The following NME2 variants were observed in gnomAD, a reference collection of about 807,000 sequenced individuals.
The protein encoded by NME2 is nucleoside diphosphate kinase B.
In NME2, 18 loss-of-function variants were observed where a neutral mutation model predicts 17.8. The ratio of observed to expected loss-of-function variants is 1.01; its 90% confidence interval spans 0.70 to 1.50. NME2 has a LOEUF of 1.50. Ranked by LOEUF, NME2 falls within the 40% of genes most tolerant of loss-of-function variation. The pLI, the probability that NME2 is intolerant of heterozygous loss-of-function variation, is 0.00. For synonymous variants in NME2, 74 were observed against 71.4 expected, an observed-to-expected ratio of 1.04 and a Z score of -0.19; for missense variants, 161 against 195.6, an observed-to-expected ratio of 0.82 and a Z score of 1.05.
chr17:51,166,732 G>C, intron 1 of NME2, 95 bp from the exon 2 acceptor site: 12 of 1,296,382 alleles, frequency 9.3e-6, no homozygotes, highest in Non-Finnish European at 1.1e-5. Context: ...GCGGCCGCGC[G>C]TGGTGGGGGA....
At chr17:51,168,904 A>G (rs1029857987) in intron 3 of NME2, among the ~76,000 whole-genome samples, 1 of 151,840 alleles carries the variant, frequency 6.6e-6, no homozygotes, top group Non-Finnish European at 1.5e-5. Flanking sequence ...CGGAGGTTGC[A>G]GTGAGCCGAG....
chr17:51,166,897 G>C lies in NME2; in HGVS notation c.67G>C (p.Glu23Gln), dbSNP rs965172090. 6.2e-6 allele frequency: 10 copies of C among 1,613,730 alleles called. No individual in the cohort carries two copies. The African/African-American group carries it at 1.1e-4, about 17-fold the overall frequency. The change falls in exon 2 of 5, where the codon GAG (glutamate) becomes CAG (glutamine). Residue 23 changes from glutamate to glutamine, a missense_variant. By Grantham distance (29) the Glu-to-Gln change is conservative. Coordinates refer to ENST00000512737, the MANE Select transcript of NME2 (RefSeq NM_002512.4). ...PDGVQRGLVG[E>Q]IIKRFEQKGF... The stretch of plus-strand genomic sequence containing the variant: ...CGGCGTGCAGCGCGGCCTGGTGGGC[G>C]AGATCATCAAGCGCTTCGAGCAGAA...
At chr17:51,167,083 C>T (rs1307144990) in intron 2 of NME2, 127 bp downstream of exon 2, 4 of 1,561,574 alleles carry the variant, frequency 2.6e-6, no homozygotes, top group Non-Finnish European at 2.6e-6. Flanking sequence ...TTGCCCTCTG[C>T]CCCCGCCCAC....
chr17:51,168,894 CG>C (rs1258765850), intron 3 of NME2, among the ~76,000 whole-genome samples: 1 of 151,098 alleles, frequency 6.6e-6, no homozygotes, highest in Non-Finnish European at 1.5e-5. Flanking sequence ...ACTTGGGAGG[CG>C]GAGGTTGCAG....
intron 3 of NME2, among the ~76,000 whole-genome samples, chr17:51,168,607 G>A (rs2049998300): frequency 6.6e-6 from 1 of 152,128 alleles, no homozygotes; most frequent in Non-Finnish European, 1.5e-5. Context: ...GGAGGCGGAG[G>A]TTGCAGTGAG....
Position 51,171,470 on chromosome 17 carries a change from A to G in NME2, c.342-17A>G. 1.2e-6 allele frequency: 2 copies of G among 1,609,802 alleles called. No individual in the cohort carries two copies. Among genetic ancestry groups the G allele is most frequent in the Non-Finnish European group, 1.7e-6 (2 of 1,176,560 alleles). ...GCACTTTAAAACATGGCAACTTGTA[A>G]TTGTTTTCTTTCTTAGGAACATCAT... is the stretch of plus-strand genomic sequence containing the variant. On this transcript the variant is annotated splice_polypyrimidine_tract_variant and intron_variant, in intron 4 of 4. Coordinates refer to ENST00000512737, the MANE Select transcript of NME2 (RefSeq NM_002512.4).
chr17:51,168,485 G>T, intron 3 of NME2, 142 bp downstream of exon 3: 3 of 797,522 alleles, frequency 3.8e-6, no homozygotes, highest in Non-Finnish European at 5.9e-6. Flanking sequence ...GAGCTTGGGA[G>T]GAGAAAGCAA....
Position 51,171,742 on chromosome 17 carries a change from G to A in NME2, c.*138G>A, listed in dbSNP as rs984976529. ...TTTGCCAATAAAGCTTTTGGAAGCC[G>A]GACACTGTCTCCTTGTGCTTATTTG... is the stretch of plus-strand genomic sequence containing the variant. On this transcript the variant is annotated 3_prime_UTR_variant, in exon 5 of 5. Coordinates refer to ENST00000512737, the MANE Select transcript of NME2 (RefSeq NM_002512.4). 25 of 626,496 alleles carry A rather than the reference G, an allele frequency of 4.0e-5. No homozygotes were observed. Among genetic ancestry groups the A allele is most frequent in the Middle Eastern group, 3.3e-4 (1 of 3,030 alleles). The allele number at this position is 626,496 out of a possible 1,614,324, so 38.8% of individuals were successfully genotyped here.
rs931518299 is a variant in NME2, at chr17:51,169,979, C to T, written c.271C>T (p.Leu91Phe). The change falls in exon 4 of 5, where the codon CTT becomes TTT. Residue 91 changes from leucine to phenylalanine, a missense_variant. Leu to Phe is a conservative substitution (Grantham distance 22). Coordinates refer to ENST00000512737, the MANE Select transcript of NME2 (RefSeq NM_002512.4). ...CGTGGTGAAGACAGGCCGAGTGATG[C>T]TTGGGGAGACCAATCCAGCAGATTC... ...LNVVKTGRVM[L>F]GETNPADSKP... The T allele has an allele frequency of 2.5e-5, 40 of 1,613,416 alleles. No homozygotes were observed. Among genetic ancestry groups the T allele is most frequent in the Non-Finnish European group, 3.3e-5 (39 of 1,179,796 alleles).
At chr17:51,169,736 A>G (rs1400033429) in intron 3 of NME2, 2 of 512,764 alleles carry the variant, frequency 3.9e-6, no homozygotes, top group Non-Finnish European at 6.8e-6. Flanking sequence ...GAAGTCCCCA[A>G]GTTGGACAGA....
chr17:51,167,190 G>T, intron 2 of NME2: 1 of 937,146 alleles, frequency 1.1e-6, no homozygotes, highest in Admixed American at 3.6e-5. Flanking sequence ...CCGGGTTTGG[G>T]TTCCTTCCCG....
chr17:51,168,362 T>A lies in NME2; in HGVS notation c.228+19T>A. 6.2e-7 allele frequency: 1 copy of A among 1,611,012 alleles called. No homozygotes were observed. The highest frequency in any genetic ancestry group is 8.5e-7 in the Non-Finnish European group (1 of 1,178,240). On this transcript the variant is annotated intron_variant, in intron 3 of 4. Transcript: ENST00000512737. ...GGCCATGGTGAGTGCTCGTGGGGAA[T>A]GAGAGAAAATGAGGAAAAAGTGCTC... is the stretch of plus-strand genomic sequence containing the variant.
chr17:51,166,587 C>T (rs1412136790), intron 1 of NME2, 90 bp downstream of exon 1: 1 of 286,530 alleles, frequency 3.5e-6, no homozygotes, highest in Non-Finnish European at 6.2e-6. Flanking sequence ...GTGGGCGCCC[C>T]CCGATTTCCC....
intron 3 of NME2, among the ~76,000 whole-genome samples, chr17:51,169,092 T>C (rs551286052): frequency 1.3e-5 from 2 of 152,296 alleles, no homozygotes; most frequent in African/African-American, 2.4e-5. Context: ...CTCAATCCTA[T>C]ACTAGAAGCA....
intron 3 of NME2, among the ~76,000 whole-genome samples, chr17:51,168,834 C>T (rs1258115902): frequency 1.4e-5 from 2 of 145,548 alleles, no homozygotes; most frequent in Admixed American, 7.0e-5. Context: ...CACCTGAGGC[C>T]AGGAGTTAAT....
intron 4 of NME2, 43 bp downstream of exon 4, chr17:51,170,092 C>T: frequency 6.9e-7 from 1 of 1,445,932 alleles, no homozygotes; most frequent in South Asian, 1.2e-5. Flanking sequence ...TATGCAACAC[C>T]ATTTAAAGCA....
chr17:51,171,397 A>C, intron 4 of NME2, 90 bp from the exon 5 acceptor site: 3 of 1,107,844 alleles, frequency 2.7e-6, no homozygotes, highest in Non-Finnish European at 4.0e-6. Flanking sequence ...AATTTGGCTG[A>C]AAGAGTCTGG....
At chr17:51,169,214 G>C (rs1283254636) in intron 3 of NME2, among the ~76,000 whole-genome samples, 1 of 152,020 alleles carries the variant, frequency 6.6e-6, no homozygotes, top group Admixed American at 6.6e-5. Context: ...AGGCCGAGGT[G>C]GGTGCATTAC....
chr17:51,171,579 G>A lies in NME2; in HGVS notation c.434G>A (p.Cys145Tyr), dbSNP rs1262302164. The A allele has an allele frequency of 9.9e-6, 16 of 1,613,816 alleles. No individual in the cohort carries two copies. The highest frequency in any genetic ancestry group is 1.2e-5 in the Non-Finnish European group (14 of 1,179,748). ...GAAGAACTGGTTGACTACAAGTCTT[G>A]TGCTCATGACTGGGTCTATGAATAA... The part of the protein sequence containing the change: ...KPEELVDYKS[C>Y]AHDWVYE The change falls in exon 5 of 5, where the codon TGT (cysteine) becomes TAT (tyrosine). Residue 145 changes from cysteine to tyrosine, a missense_variant. By Grantham distance (194) the Cys-to-Tyr change is radical (BLOSUM62 -2). Transcript: ENST00000512737.
Sources: allele counts gnomAD v4.1 joint callset (sites outside exome capture counted in the v4.1 genomes callset), GRCh38; gene constraint gnomAD v4.1.1; transcripts MANE v1.5; gene names NCBI Gene and HGNC (gene_info 2026-07-23, HGNC 2026-07-21).